The following KHDRBS2 variants were observed in gnomAD, a reference collection of about 807,000 sequenced individuals.
The protein encoded by KHDRBS2 is KH RNA binding domain containing, signal transduction associated 2.
A neutral mutation model predicts 44.3 loss-of-function variants in KHDRBS2; 26 were observed. The ratio of observed to expected loss-of-function variants is 0.59; its 90% CI spans 0.43 to 0.81. KHDRBS2 has a LOEUF of 0.81. Ranked by LOEUF, KHDRBS2 falls within the 40% of genes least tolerant of loss-of-function variation. The probability of loss-of-function intolerance (pLI) is 0.00; values close to 1 mark genes in which losing one functional copy is unlikely to be tolerated. For missense variants in KHDRBS2, 476 were observed against 433.1 expected (o/e 1.10, Z -0.88); for synonymous variants, 194 against 151.1 (o/e 1.28, Z -2.08).
chr6:61,761,678 G>A (rs1443559033), intron 6 of KHDRBS2, among the ~76,000 whole-genome samples: 1 of 152,128 alleles, frequency 6.6e-6, no homozygotes, highest in Non-Finnish European at 1.5e-5. Context: ...ATAATATGAT[G>A]CAGTAGAGAA....
intron 3 of KHDRBS2, among the ~76,000 whole-genome samples, chr6:62,020,384 C>CT (rs1367229315): frequency 3.9e-5 from 6 of 151,904 alleles, no homozygotes; most frequent in Non-Finnish European, 8.8e-5. Context: ...ACTAAATGTT[C>CT]TATGTGCACT....
chr6:62,034,693 GAA>G lies in KHDRBS2; in HGVS notation c.336+13183_336+13184del, dbSNP rs1171214560. On this transcript the variant is annotated intron_variant, in intron 3 of 8. Transcript: ENST00000281156. Reference sequence around the variant, plus strand: ...CCCATGGCTAGTATCATTCTGAACAGAAAAAAAAAAAAAAAAAAAAAAACCTT... The same window carrying G: ...CCCATGGCTAGTATCATTCTGAACAGAAAAAAAAAAAAAAAAAAAAACCTT... Among the ~76,000 whole-genome samples, 122 of 60,738 alleles carry G rather than the reference GAA, an allele frequency of 2.0e-3. 2 individuals carry two copies. The highest frequency in any genetic ancestry group is 6.6e-3 in the African/African-American group (102 of 15,476). The allele number at this position is 60,738 out of a possible 152,430, so 39.8% of individuals were successfully genotyped here.
At chr6:62,196,709 AGAT>A (rs1430138736) in intron 1 of KHDRBS2, among the ~76,000 whole-genome samples, 3 of 152,138 alleles carry the variant, frequency 2.0e-5, no homozygotes, top group African/African-American at 7.2e-5. Context: ...GCTCACAGGT[AGAT>A]GAGCTTGAGG....
At chr6:62,024,089 T>C (rs1435436906) in intron 3 of KHDRBS2, among the ~76,000 whole-genome samples, 4 of 151,314 alleles carry the variant, frequency 2.6e-5, no homozygotes, top group Admixed American at 2.6e-4. Flanking sequence ...TATATTATTA[T>C]AAGATATCTT....
chr6:62,028,602 A>T (rs1246065378), intron 3 of KHDRBS2, among the ~76,000 whole-genome samples: 1 of 152,092 alleles, frequency 6.6e-6, no homozygotes, highest in African/African-American at 2.4e-5. Context: ...GTTTCCACAT[A>T]TACTTACATT....
chr6:62,200,193 A>C (rs1826636893), intron 1 of KHDRBS2, among the ~76,000 whole-genome samples: 1 of 152,162 alleles, frequency 6.6e-6, no homozygotes, highest in African/African-American at 2.4e-5. Context: ...TTCATGTCTA[A>C]AATATCAAAA....
intron 2 of KHDRBS2, among the ~76,000 whole-genome samples, chr6:62,144,737 T>C (rs1169791220): frequency 1.3e-5 from 2 of 151,866 alleles, no homozygotes; most frequent in African/African-American, 4.8e-5. Flanking sequence ...TAACAGTAAG[T>C]ACAGTGGAAA....
the KHDRBS2 span, among the ~76,000 whole-genome samples, chr6:61,550,313 C>A: frequency 6.6e-6 from 1 of 152,106 alleles, no homozygotes; most frequent in South Asian, 2.1e-4. Context: ...TTTTCTGTTC[C>A]TGTGTTCACT....
At chr6:62,126,986 T>G (rs1447560539) in intron 2 of KHDRBS2, among the ~76,000 whole-genome samples, 1 of 152,206 alleles carries the variant, frequency 6.6e-6, no homozygotes, top group Non-Finnish European at 1.5e-5. Flanking sequence ...AGGCTTCCTA[T>G]GGCTGAATAA....
intron 4 of KHDRBS2, among the ~76,000 whole-genome samples, chr6:61,964,228 A>C (rs1490804917): frequency 6.6e-6 from 1 of 152,108 alleles, no homozygotes; most frequent in Non-Finnish European, 1.5e-5. Context: ...TTAGGAGCCC[A>C]CACATATATA....
intron 2 of KHDRBS2, among the ~76,000 whole-genome samples, chr6:62,083,311 G>C (rs1797771751): frequency 6.6e-6 from 1 of 152,046 alleles, no homozygotes; most frequent in African/African-American, 2.4e-5. Context: ...CATACTCCAG[G>C]GGAAAACCAC....
At chr6:61,567,407 C>A in the KHDRBS2 span, among the ~76,000 whole-genome samples, 1 of 152,110 alleles carries the variant, frequency 6.6e-6, no homozygotes, top group Non-Finnish European at 1.5e-5. Context: ...GTGGTTGAAG[C>A]AGTATTGCTT....
intron 2 of KHDRBS2, among the ~76,000 whole-genome samples, chr6:62,058,246 A>T (rs1265822332): frequency 2.0e-5 from 3 of 151,904 alleles, no homozygotes; most frequent in Non-Finnish European, 4.4e-5. Flanking sequence ...TCACCTGTGA[A>T]GAATTCCTGA....
At chr6:61,651,104 G>A in the KHDRBS2 span, among the ~76,000 whole-genome samples, 1 of 152,054 alleles carries the variant, frequency 6.6e-6, no homozygotes, top group Admixed American at 6.6e-5. Flanking sequence ...ATAAGAATAT[G>A]ATTGATAAAC....
At chr6:62,091,814 T>C (rs1246176925) in intron 2 of KHDRBS2, among the ~76,000 whole-genome samples, 1 of 152,156 alleles carries the variant, frequency 6.6e-6, no homozygotes, top group Non-Finnish European at 1.5e-5. Flanking sequence ...TGTTGTTTGT[T>C]GAACTATAAA....
At chr6:61,914,990 T>C (rs1670182408) in intron 4 of KHDRBS2, among the ~76,000 whole-genome samples, 1 of 152,094 alleles carries the variant, frequency 6.6e-6, no homozygotes. Flanking sequence ...AGAAGATAGT[T>C]GTGACAATAG....
At chr6:62,133,708 C>G (rs1173260786) in intron 2 of KHDRBS2, among the ~76,000 whole-genome samples, 1 of 152,074 alleles carries the variant, frequency 6.6e-6, no homozygotes, top group Non-Finnish European at 1.5e-5. Flanking sequence ...TGGCTTTAAC[C>G]AAAATGTTGA....
intron 8 of KHDRBS2, among the ~76,000 whole-genome samples, chr6:61,695,706 C>T (rs893541285): frequency 2.0e-4 from 31 of 152,150 alleles, no homozygotes; most frequent in African/African-American, 7.5e-4. Context: ...GAAATAAATA[C>T]AAAATATCTG....
chr6:62,060,691 T>A (rs1791610522), intron 2 of KHDRBS2, among the ~76,000 whole-genome samples: 1 of 151,354 alleles, frequency 6.6e-6, no homozygotes, highest in Admixed American at 6.6e-5. Context: ...CCACAAGTAT[T>A]AAAAACAATT....
Sources: allele counts gnomAD v4.1 joint callset (sites outside exome capture counted in the v4.1 genomes callset), GRCh38; gene constraint gnomAD v4.1.1; transcripts MANE v1.5; gene names NCBI Gene and HGNC (gene_info 2026-07-23, HGNC 2026-07-21).